DUSP16: variants seen among roughly 807,000 people sequenced by gnomAD.
DUSP16 encodes dual specificity phosphatase 16, also known as dual specificity protein phosphatase 16.
Under a neutral mutation model 58.3 loss-of-function variants are expected in DUSP16, and 21 were observed. The ratio of observed to expected loss-of-function variants is 0.36; its 90% CI spans 0.26 to 0.52. DUSP16 has a LOEUF of 0.52. Ranked by LOEUF, DUSP16 falls within the 20% of genes least tolerant of loss-of-function variation. The probability of loss-of-function intolerance (pLI) is 0.94; values close to 1 mark genes in which losing one functional copy is unlikely to be tolerated. For synonymous variants in DUSP16, 320 were observed against 323.8 expected (o/e 0.99, Z 0.12); for missense variants, 726 against 819.0 (o/e 0.89, Z 1.39).
At chr12:12,480,174 T>C in intron 6 of DUSP16, 49 bp downstream of exon 6, 1 of 1,602,704 alleles carries the variant, frequency 6.2e-7, no homozygotes, top group Non-Finnish European at 8.5e-7. Flanking sequence ...TTCTTTATGT[T>C]TCAGGTCAAA....
intron 1 of DUSP16, among the ~76,000 whole-genome samples, chr12:12,528,811 G>A (rs182150863): frequency 5.9e-5 from 9 of 151,944 alleles, no homozygotes; most frequent in South Asian, 2.1e-4. Flanking sequence ...TATGATAGAC[G>A]CCGATAAGAA....
intron 1 of DUSP16, among the ~76,000 whole-genome samples, chr12:12,556,661 C>T (rs1000000850): frequency 6.6e-6 from 1 of 151,944 alleles, no homozygotes. Flanking sequence ...AAAATGTGCC[C>T]CAAAACATGA....
At chr12:12,487,813 T>G (rs1183153006) in intron 4 of DUSP16, among the ~76,000 whole-genome samples, 1 of 152,192 alleles carries the variant, frequency 6.6e-6, no homozygotes, top group Non-Finnish European at 1.5e-5. Context: ...GCCTCCTCTC[T>G]GTAATCCCCA....
intron 1 of DUSP16, among the ~76,000 whole-genome samples, chr12:12,553,871 A>G (rs1002622504): frequency 1.3e-5 from 2 of 152,130 alleles, no homozygotes; most frequent in Non-Finnish European, 2.9e-5. Context: ...CTTATTCTTA[A>G]AATTTTATTA....
chr12:12,511,102 A>G (rs1401122575), intron 3 of DUSP16, among the ~76,000 whole-genome samples: 3 of 152,272 alleles, frequency 2.0e-5, no homozygotes, highest in Non-Finnish European at 4.4e-5. Context: ...AATTAGTTAA[A>G]AACACAAAAT....
intron 3 of DUSP16, among the ~76,000 whole-genome samples, chr12:12,508,733 TAAAC>T (rs1418437054): frequency 6.6e-6 from 1 of 152,196 alleles, no homozygotes; most frequent in East Asian, 1.9e-4. Context: ...TGCCCTATAT[TAAAC>T]AACCCTATCA....
chr12:12,480,112 A>G (rs2136188818), intron 6 of DUSP16, 111 bp downstream of exon 6: 1 of 1,408,272 alleles, frequency 7.1e-7, no homozygotes, highest in South Asian at 1.4e-5. Flanking sequence ...CCTGTAAAAA[A>G]TGTGACTAAA....
chr12:12,522,563 G>A (rs942185120), intron 1 of DUSP16, among the ~76,000 whole-genome samples: 1 of 150,876 alleles, frequency 6.6e-6, no homozygotes, highest in Non-Finnish European at 1.5e-5. Context: ...CTTCTAGAGG[G>A]TAAATTTTTT....
At chr12:12,505,989 C>T (rs990764295) in intron 3 of DUSP16, 1 of 152,142 alleles carries the variant, frequency 6.6e-6, no homozygotes, top group Non-Finnish European at 1.5e-5. Flanking sequence ...TCCAGAAAAC[C>T]CTACCTCAGC....
chr12:12,490,933 A>G (rs1230843734), intron 4 of DUSP16, among the ~76,000 whole-genome samples: 1 of 152,212 alleles, frequency 6.6e-6, no homozygotes, highest in Non-Finnish European at 1.5e-5. Context: ...ATACATAATT[A>G]TAATAACAAG....
intron 1 of DUSP16, among the ~76,000 whole-genome samples, chr12:12,533,438 G>A (rs942333206): frequency 9.9e-5 from 15 of 152,188 alleles, no homozygotes; most frequent in African/African-American, 3.6e-4. Context: ...TGGCCTTCAA[G>A]CCCGGACCAC....
chr12:12,529,560 C>T (rs567544215), intron 1 of DUSP16, among the ~76,000 whole-genome samples: 1 of 152,286 alleles, frequency 6.6e-6, no homozygotes, highest in South Asian at 2.1e-4. Flanking sequence ...ACTTAACATC[C>T]ACTCCTTGAA....
chr12:12,550,891 TA>T (rs796797043), intron 1 of DUSP16, among the ~76,000 whole-genome samples: 38 of 146,420 alleles, frequency 2.6e-4, no homozygotes, highest in Middle Eastern at 3.5e-3. Context: ...AAAGTATAAT[TA>T]AAAAAAAAAG....
rs1375086810 is a variant in DUSP16, at chr12:12,520,789, C to CTT, written c.228+80_228+81dup. The CTT allele has an allele frequency of 2.6e-6, 4 of 1,517,216 alleles. No individual in the cohort carries two copies. In the Admixed American group the frequency reaches 7.9e-5, roughly 30 times the overall value. 94.0% of individuals were successfully genotyped at this position (1,517,216 alleles called of 1,614,324 possible). On this transcript the variant is annotated intron_variant, in intron 2 of 6. Transcript: ENST00000298573. ...AAACTTCCTCAAATTACTTTCTCTA[C>CTT]TTAAAGAGGAGGCTTCAATTAAAAT...
At chr12:12,550,707 T>C (rs1009246184) in intron 1 of DUSP16, among the ~76,000 whole-genome samples, 1 of 151,506 alleles carries the variant, frequency 6.6e-6, no homozygotes, top group East Asian at 1.9e-4. Context: ...CTGGGGTCTG[T>C]TGGGAGGGAA....
intron 6 of DUSP16, among the ~76,000 whole-genome samples, chr12:12,478,897 G>A (rs1307730141): frequency 1.3e-5 from 2 of 152,188 alleles, no homozygotes; most frequent in Non-Finnish European, 2.9e-5. Flanking sequence ...TGGTCTCTGT[G>A]TGCTAAGCAC....
At chr12:12,508,637 T>C (rs1592182913) in intron 3 of DUSP16, among the ~76,000 whole-genome samples, 1 of 135,326 alleles carries the variant, frequency 7.4e-6, no homozygotes, top group Non-Finnish European at 1.7e-5. Flanking sequence ...GGAGAGTGGA[T>C]AGATACGCAT....
At chr12:12,492,444 G>A (rs115794311) in intron 4 of DUSP16, among the ~76,000 whole-genome samples, 2,042 of 152,092 alleles carry the variant, frequency 0.013, 52 homozygotes, top group African/African-American at 0.045. Flanking sequence ...GTCCATACTC[G>A]TAAGGCCAAT....
At chr12:12,554,545 A>C (rs1944780135) in intron 1 of DUSP16, 1 of 151,842 alleles carries the variant, frequency 6.6e-6, no homozygotes, top group African/African-American at 2.4e-5. Context: ...CCCATTACTC[A>C]GCTTCAACAA....
Sources: allele counts gnomAD v4.1 joint callset (sites outside exome capture counted in the v4.1 genomes callset), GRCh38; gene constraint gnomAD v4.1.1; transcripts MANE v1.5; gene names NCBI Gene and HGNC (gene_info 2026-07-23, HGNC 2026-07-21).